The following AHNAK variants were observed in gnomAD, a reference collection of about 807,000 sequenced individuals.
The protein encoded by AHNAK is AHNAK nucleoprotein.
A neutral mutation model predicts 37.8 loss-of-function variants in AHNAK; 23 were observed. That is an observed-to-expected ratio of 0.61 (90% CI 0.44 to 0.86). The LOEUF (loss-of-function observed/expected upper bound fraction) is 0.86. Among genes scored for constraint, AHNAK ranks in the 40% least tolerant of loss-of-function variants. AHNAK has a pLI of 0.00. For synonymous variants in AHNAK, 2,481 were observed against 2,636.3 expected (o/e 0.94, Z 1.80); for missense variants, 7,411 against 7,319.4 (o/e 1.01, Z -0.46).
At chr11:62,448,971 G>A (rs1938476514) in intron 5 of AHNAK, among the ~76,000 whole-genome samples, 1 of 152,154 alleles carries the variant, frequency 6.6e-6, no homozygotes, top group Non-Finnish European at 1.5e-5. Flanking sequence ...GGGAGGCTGA[G>A]GCAGGAGAAT....
At chr11:62,498,079 G>A (rs144889311) in intron 4 of AHNAK, among the ~76,000 whole-genome samples, 3 of 152,314 alleles carry the variant, frequency 2.0e-5, no homozygotes, top group Non-Finnish European at 2.9e-5. Context: ...AACGAGGTAG[G>A]TCTGTTTTCA....
chr11:62,520,639 A>C lies in AHNAK; in HGVS notation c.13778T>G (p.Ile4593Ser). ...ATTCAGGTCAACTTCAGGCATAGAG[A>C]TCTTCGGTGCCTTGAGGTGTAAGTC... ...MPDLHLKAPK[I>S]SMPEVDLNLK... Residue 4593 changes from isoleucine to serine, a missense_variant, in exon 5 of 5, where the codon ATC (isoleucine) becomes AGC (serine). By Grantham distance (142) the Ile-to-Ser change is moderately radical. Transcript: ENST00000378024. The C allele has an allele frequency of 6.2e-7, 1 of 1,613,932 alleles. No individual in the cohort carries two copies. The highest frequency in any genetic ancestry group is 8.5e-7 in the Non-Finnish European group (1 of 1,179,984).
chr11:62,464,235 C>A (rs73498053), intron 5 of AHNAK, among the ~76,000 whole-genome samples: 1 of 151,034 alleles, frequency 6.6e-6, no homozygotes, highest in Non-Finnish European at 1.5e-5. Context: ...GGGGGCGGGG[C>A]GGTGTAGAGA....
intron 4 of AHNAK, among the ~76,000 whole-genome samples, chr11:62,494,999 T>C (rs1311923415): frequency 1.5e-5 from 2 of 130,446 alleles, no homozygotes; most frequent in South Asian, 2.2e-4. Context: ...AAACTCCATC[T>C]CAAAAAAAAA....
chr11:62,523,279 T>A lies in AHNAK; in HGVS notation c.11138A>T (p.Asp3713Val), dbSNP rs1940338137. Residue 3713 changes from aspartate to valine, a missense_variant, in exon 5 of 5, where the codon GAC becomes GTC. By Grantham distance (152) the Asp-to-Val change is radical (BLOSUM62 -3). Transcript: ENST00000378024. ...GATGTTAATGTCAGGAGTGTCAATG[T>A]CCACTTTGGGGCCCTTGATGTCCAC... ...PEVDIKGPKVDIDTPDINIEG... is the reference protein window; with the variant it reads ...PEVDIKGPKVVIDTPDINIEG... 6.8e-6 allele frequency: 11 copies of A among 1,613,916 alleles called. No homozygotes were observed. The highest frequency in any genetic ancestry group is 9.3e-6 in the Non-Finnish European group (11 of 1,179,924).
chr11:62,468,153 G>A (rs1938952563), intron 5 of AHNAK, among the ~76,000 whole-genome samples: 1 of 152,152 alleles, frequency 6.6e-6, no homozygotes, highest in African/African-American at 2.4e-5. Context: ...GTTTGAGACT[G>A]CCTAGGCAAC....
In AHNAK at chr11:62,523,978, G is replaced by A; in HGVS notation, c.10439C>T (p.Pro3480Leu). Reference sequence around the variant, plus strand: ...TTTTAAGCCAGACACACTGAATTTGGGCATTTTCATCTTGGGCATTTTCAG... The same window carrying A: ...TTTTAAGCCAGACACACTGAATTTGAGCATTTTCATCTTGGGCATTTTCAG... ...WNLKMPKMKM[P>L]KFSVSGLKAE... The change falls in exon 5 of 5, where the codon CCC becomes CTC. Residue 3480 changes from proline to leucine, a missense_variant. By Grantham distance (98) the Pro-to-Leu change is moderately conservative. Coordinates refer to ENST00000378024, the MANE Select transcript of AHNAK (RefSeq NM_001620.3). 1 of 1,613,832 alleles carries A rather than the reference G, an allele frequency of 6.2e-7. No individual in the cohort carries two copies. Among genetic ancestry groups the A allele is most frequent in the Non-Finnish European group, 8.5e-7 (1 of 1,179,956 alleles).
At chr11:62,504,644 C>T (rs1208853682) in intron 4 of AHNAK, among the ~76,000 whole-genome samples, 2 of 152,056 alleles carry the variant, frequency 1.3e-5, no homozygotes, top group Admixed American at 1.3e-4. Context: ...GGAGACCACA[C>T]ACCTAGGTAA....
At chr11:62,461,087 G>C (rs985265247) in intron 5 of AHNAK, among the ~76,000 whole-genome samples, 1 of 144,782 alleles carries the variant, frequency 6.9e-6, no homozygotes, top group Non-Finnish European at 1.5e-5. Context: ...CGCCCGCCTC[G>C]GCCTCCCAAA....
chr11:62,451,557 A>G (rs7936002), intron 5 of AHNAK, among the ~76,000 whole-genome samples: 43,989 of 151,612 alleles, frequency 0.29, 7,609 homozygotes, highest in African/African-American at 0.48. Context: ...GGACAACATG[A>G]TAAAACCCCG....
At position 62,523,169 on chromosome 11, in the gene AHNAK, T is replaced by C; in HGVS notation, c.11248A>G (p.Ile3750Val). 6.2e-7 allele frequency: 1 copy of C among 1,613,174 alleles called. No homozygotes were observed. The highest frequency in any genetic ancestry group is 8.5e-7 in the Non-Finnish European group (1 of 1,179,786). The change falls in exon 5 of 5, where the codon ATT becomes GTT. Residue 3750 changes from isoleucine to valine, a missense_variant. Coordinates refer to ENST00000378024, the MANE Select transcript of AHNAK (RefSeq NM_001620.3). ...LKAPKISMPD[I>V]DLNLKGPKVK... ...TTGGGGCCCTTCAGGTTTAAATCAA[T>C]GTCAGGCATCGATATTTTGGGAGCC...
chr11:62,437,263 G>C (rs1274379148), intron 5 of AHNAK, among the ~76,000 whole-genome samples: 6 of 152,286 alleles, frequency 3.9e-5, no homozygotes, highest in Middle Eastern at 6.8e-3. Flanking sequence ...ATCTTCTGTT[G>C]ATGGGAATTT....
chr11:62,536,079 G>T lies in AHNAK; in HGVS notation c.20C>A (p.Thr7Asn). The T allele has an allele frequency of 1.3e-6, 2 of 1,591,128 alleles. No individual in the cohort carries two copies. The highest frequency in any genetic ancestry group is 1.1e-5 in the South Asian group (1 of 88,012). Residue 7 changes from threonine to asparagine, a missense_variant, in exon 3 of 5, where the codon ACC becomes AAC. Transcript: ENST00000378024. ...CCAGTTGGGCAGCAGCAGCTCCCGG[G>T]TTGTCTCCTCCTTCTCCATCTGGAA... MEKEET[T>N]RELLLPNWQG...
rs755778862 is a variant in AHNAK, at chr11:62,528,814, T to C, written c.5603A>G (p.Lys1868Arg). 3.7e-6 allele frequency: 6 copies of C among 1,612,630 alleles called. No individual in the cohort carries two copies. The African/African-American group carries it at 6.7e-5, about 18-fold the overall frequency. ...PDVDLHLKGP[K>R]VKGDADVSVP... ...CGACACATCCGCATCCCCTTTGACT[T>C]TGGGGCCTTTCAGGTGTAAGTCCAC... is the stretch of plus-strand genomic sequence containing the variant. Residue 1868 changes from lysine (K) to arginine (R), a missense_variant, in exon 5 of 5, where the codon AAA becomes AGA. Lys to Arg is a conservative substitution (Grantham distance 26, BLOSUM62 2). Coordinates refer to ENST00000378024, the MANE Select transcript of AHNAK (RefSeq NM_001620.3).
chr11:62,532,202 C>T lies in AHNAK; in HGVS notation c.2215G>A (p.Asp739Asn), dbSNP rs1323702371. The T allele has an allele frequency of 4.3e-6, 7 of 1,614,112 alleles. No homozygotes were observed. Among genetic ancestry groups the T allele is most frequent in the Middle Eastern group, 3.3e-4 (2 of 6,060 alleles). ...PKVDIDAPDV[D>N]VHGPDWHLKM... ...AAGTGCCAGTCTGGGCCATGAACAT[C>T]CACATCTGGGGCATCAATGTCCACT... Residue 739 changes from aspartate to asparagine, a missense_variant, in exon 5 of 5, where the codon GAT (aspartate) becomes AAT (asparagine). By Grantham distance (23) the Asp-to-Asn change is conservative. Coordinates refer to ENST00000378024, the MANE Select transcript of AHNAK (RefSeq NM_001620.3).
rs776816263 is a variant in AHNAK at position 62,528,076 on chromosome 11, G to A, written c.6341C>T (p.Ala2114Val). The change falls in exon 5 of 5, where the codon GCC (alanine) becomes GTC (valine). Residue 2114 changes from alanine (A) to valine (V), a missense_variant. Transcript: ENST00000378024. ...KLKMPEMHFKAPKISMPDVDL... is the reference protein window; with the variant it reads ...KLKMPEMHFKVPKISMPDVDL... ...CACATCAGGCATGGAGATCTTGGGG[G>A]CCTTGAAGTGCATCTCAGGCATCTT... 7 of 1,613,130 alleles carry A rather than the reference G, an allele frequency of 4.3e-6. No individual in the cohort carries two copies. The highest frequency in any genetic ancestry group is 1.7e-5 in the Admixed American group (1 of 59,898).
chr11:62,524,253 A>G lies in AHNAK; in HGVS notation c.10164T>C (p.Asn3388=). The G allele has an allele frequency of 6.2e-7, 1 of 1,613,602 alleles. No individual in the cohort carries two copies. The highest frequency in any genetic ancestry group is 8.5e-7 in the Non-Finnish European group (1 of 1,179,868). The change falls in exon 5 of 5, where the codon AAT becomes AAC. Residue 3388 remains asparagine (N), a synonymous_variant. Transcript: ENST00000378024. The part of the protein sequence containing the change: ...IDITGPKVDI[N]APDVEVQGKV... ...TTCCTTGGACCTCGACATCAGGAGC[A>G]TTAATATCAACTTTTGGACCTGTTA...
chr11:62,434,736 T>C (rs1259366893), intron 5 of AHNAK, among the ~76,000 whole-genome samples: 2 of 152,156 alleles, frequency 1.3e-5, no homozygotes, highest in African/African-American at 4.8e-5. Flanking sequence ...AAGACCAGGC[T>C]GACCAACATG....
rs1940645162 is a variant in AHNAK at position 62,529,552 on chromosome 11, A to T, written c.4865T>A (p.Val1622Glu). 4 of 1,614,026 alleles carry T rather than the reference A, an allele frequency of 2.5e-6. No homozygotes were observed. Among genetic ancestry groups the T allele is most frequent in the Non-Finnish European group, 3.4e-6 (4 of 1,180,028 alleles). ...TTCAATATCAATATCACCAACATTCACATCCATCTTAGGGGCTTTCACATC... is the reference window on the plus strand; with the variant it reads ...TTCAATATCAATATCACCAACATTCTCATCCATCTTAGGGGCTTTCACATC... ...EIDVKAPKMD[V>E]NVGDIDIEGP... Residue 1622 changes from valine (V) to glutamate (E), a missense_variant, in exon 5 of 5, where the codon GTG becomes GAG. By Grantham distance (121) the Val-to-Glu change is moderately radical. Coordinates refer to ENST00000378024, the MANE Select transcript of AHNAK (RefSeq NM_001620.3).
Sources: gnomAD v4.1 joint callset for allele counts (sites outside exome capture counted in the v4.1 genomes callset) on GRCh38, gnomAD v4.1.1 for gene constraint, MANE v1.5 for transcripts, NCBI Gene and HGNC (gene_info 2026-07-23, HGNC 2026-07-21) for gene names.